The following PSMD11 variants were observed in gnomAD, a reference collection of about 807,000 sequenced individuals.
PSMD11 encodes the protein 26S proteasome non-ATPase regulatory subunit 11.
A neutral mutation model predicts 62.3 loss-of-function variants in PSMD11; 5 were observed. The observed-to-expected ratio is 0.08, with a 90% CI of 0.04 to 0.17. The LOEUF is 0.17. Among genes scored for constraint, PSMD11 ranks in the 10% least tolerant of loss-of-function variants. The pLI is 1.00. For missense variants in PSMD11, 310 were observed against 512.9 expected, an observed-to-expected ratio of 0.60 and a Z score of 3.82; for synonymous variants, 191 against 191.8, an observed-to-expected ratio of 1.00 and a Z score of 0.03.
At chr17:32,456,427 C>T (rs1907652059) in intron 3 of PSMD11, among the ~76,000 whole-genome samples, 1 of 151,132 alleles carries the variant, frequency 6.6e-6, no homozygotes, top group Non-Finnish European at 1.5e-5. Context: ...GGCTGGAGTG[C>T]AATGGCGTGA....
Position 32,480,134 on chromosome 17 carries a change from C to A in PSMD11, c.1075-12C>A, listed in dbSNP as rs2150841200. On this transcript the variant is annotated splice_polypyrimidine_tract_variant and intron_variant, in intron 11 of 13. Coordinates refer to ENST00000261712, the MANE Select transcript of PSMD11 (RefSeq NM_002815.4). ...GGATACTGGTCCCTTTAATCATGTG[C>A]TTTGATTTTAGGCCGACGTGGAAAG... The A allele has an allele frequency of 6.2e-7, 1 of 1,612,638 alleles. No individual in the cohort carries two copies. The highest frequency in any genetic ancestry group is 1.1e-5 in the South Asian group (1 of 91,040).
At chr17:32,469,287 T>C in intron 6 of PSMD11, 94 bp downstream of exon 6, 3 of 1,293,578 alleles carry the variant, frequency 2.3e-6, no homozygotes, top group Non-Finnish European at 3.1e-6. Context: ...AGAATAAAAT[T>C]GGCTGATTTG....
intron 6 of PSMD11, among the ~76,000 whole-genome samples, chr17:32,472,819 G>C (rs1908206205): frequency 6.7e-6 from 1 of 149,420 alleles, no homozygotes; most frequent in African/African-American, 2.5e-5. Context: ...TTACAGGCAT[G>C]AGCCACCATG....
chr17:32,468,980 A>G lies in PSMD11; in HGVS notation c.449-19A>G. The G allele has an allele frequency of 6.2e-7, 1 of 1,610,132 alleles. No individual in the cohort carries two copies. The highest frequency in any genetic ancestry group is 1.1e-5 in the South Asian group (1 of 90,600). On this transcript the variant is annotated intron_variant, in intron 5 of 13. Transcript: ENST00000261712. ...ATTAAGCTGATGGCTATAAAGGAGA[A>G]TGTCTTTTCCTTTTTCAGGTTCTCA...
chr17:32,475,847 C>G (rs1383805055), intron 8 of PSMD11, among the ~76,000 whole-genome samples: 1 of 151,882 alleles, frequency 6.6e-6, no homozygotes. Context: ...CCCACCTCAA[C>G]CTCCAAAAGT....
chr17:32,446,733 G>T (rs750369764), intron 1 of PSMD11, among the ~76,000 whole-genome samples: 1 of 150,946 alleles, frequency 6.6e-6, no homozygotes, highest in East Asian at 1.9e-4. Flanking sequence ...TCAAAGAGAA[G>T]AATCCTTTTT....
At chr17:32,480,002 G>A in intron 11 of PSMD11, 116 bp downstream of exon 11, 1 of 1,486,628 alleles carries the variant, frequency 6.7e-7, no homozygotes, top group Non-Finnish European at 9.4e-7. Context: ...TGGGGAATGG[G>A]CAGTGTGGAC....
intron 2 of PSMD11, among the ~76,000 whole-genome samples, chr17:32,453,168 A>C (rs1907556973): frequency 6.6e-6 from 1 of 152,162 alleles, no homozygotes; most frequent in South Asian, 2.1e-4. Flanking sequence ...GCTTCAGACT[A>C]CTTTTAAAAA....
At chr17:32,465,506 T>C (rs1907968451) in intron 5 of PSMD11, among the ~76,000 whole-genome samples, 1 of 152,184 alleles carries the variant, frequency 6.6e-6, no homozygotes, top group African/African-American at 2.4e-5. Flanking sequence ...GAGTTTCCAA[T>C]ATTCAATTTT....
At chr17:32,452,722 A>C (rs564607378) in intron 2 of PSMD11, among the ~76,000 whole-genome samples, 1 of 152,336 alleles carries the variant, frequency 6.6e-6, no homozygotes, top group South Asian at 2.1e-4. Flanking sequence ...AAAAAGCAAA[A>C]CATGCTATCT....
intron 5 of PSMD11, 90 bp downstream of exon 5, chr17:32,464,668 T>C: frequency 1.0e-6 from 1 of 988,178 alleles, no homozygotes; most frequent in Non-Finnish European, 1.5e-6. Flanking sequence ...TGTTAATAAT[T>C]TATATTCTAC....
chr17:32,447,985 AT>A (rs1907380527), intron 2 of PSMD11, among the ~76,000 whole-genome samples: 1 of 149,888 alleles, frequency 6.7e-6, no homozygotes, highest in South Asian at 2.1e-4. Flanking sequence ...GGTTCAAGCG[AT>A]TCTCCTTCCT....
chr17:32,458,782 G>A (rs1040055563), intron 3 of PSMD11, among the ~76,000 whole-genome samples: 129 of 152,148 alleles, frequency 8.5e-4, no homozygotes, highest in Non-Finnish European at 1.3e-3. Flanking sequence ...AACTGTCTGG[G>A]GTTGGGACAT....
At chr17:32,464,343 CAGT>C (rs1907928486) in intron 4 of PSMD11, among the ~76,000 whole-genome samples, 175 bp from the exon 5 acceptor site, 1 of 152,200 alleles carries the variant, frequency 6.6e-6, no homozygotes. Flanking sequence ...GTAAAGTTAA[CAGT>C]CATTTGCTGG....
At chr17:32,464,268 A>G in intron 4 of PSMD11, 148 bp downstream of exon 4, 1 of 858,212 alleles carries the variant, frequency 1.2e-6, no homozygotes, top group South Asian at 1.6e-5. Context: ...CACTTATGAT[A>G]ATTGCTCTGA....
intron 6 of PSMD11, among the ~76,000 whole-genome samples, chr17:32,471,996 T>A (rs1038086018): frequency 6.6e-6 from 1 of 152,088 alleles, no homozygotes; most frequent in Non-Finnish European, 1.5e-5. Context: ...CTCAGTCTCA[T>A]GAGTAAGTAG....
rs1597840381 is a variant in PSMD11, at chr17:32,471,116, A to G, written c.643+1923A>G. Reference sequence around the variant, plus strand: ...GGAAGCAGTTGTGGTAAACAAATGGATGGGGCTGAGGTCTGTAACTTCTTA... The same window carrying G: ...GGAAGCAGTTGTGGTAAACAAATGGGTGGGGCTGAGGTCTGTAACTTCTTA... On this transcript the variant is annotated intron_variant, in intron 6 of 13. Coordinates refer to ENST00000261712, the MANE Select transcript of PSMD11 (RefSeq NM_002815.4). Among the ~76,000 whole-genome samples, 4 of 152,296 alleles carry G rather than the reference A, an allele frequency of 2.6e-5. No individual in the cohort carries two copies. The East Asian group carries it at 5.8e-4, about 22-fold the overall frequency.
Position 32,451,677 on chromosome 17 carries a change from T to TA in PSMD11, c.194-2810dup, listed in dbSNP as rs766376532. Among the ~76,000 whole-genome samples the TA allele has an allele frequency of 3.3e-4, 50 of 152,026 alleles. 1 individual carries two copies. The highest frequency in any genetic ancestry group is 7.9e-4 in the Admixed American group (12 of 15,258). On this transcript the variant is annotated intron_variant, in intron 2 of 13. Coordinates refer to ENST00000261712, the MANE Select transcript of PSMD11 (RefSeq NM_002815.4). Reference sequence around the variant, plus strand: ...ATTTGATAAGGAGATAGTAATCTCTTAAAAAAAAGTGGATTTATTGTGAAC... The same window carrying TA: ...ATTTGATAAGGAGATAGTAATCTCTTAAAAAAAAAGTGGATTTATTGTGAAC...
At chr17:32,460,909 A>T (rs1333965331) in intron 3 of PSMD11, among the ~76,000 whole-genome samples, 1 of 151,684 alleles carries the variant, frequency 6.6e-6, no homozygotes. Context: ...GAGAGTGAGG[A>T]TGGGTTGGTT....
Sources: allele counts gnomAD v4.1 joint callset (sites outside exome capture counted in the v4.1 genomes callset), GRCh38; gene constraint gnomAD v4.1.1; transcripts MANE v1.5; gene names NCBI Gene and HGNC (gene_info 2026-07-23, HGNC 2026-07-21).